Variants in NFRKB observed in about 807,000 individuals in gnomAD.
NFRKB encodes the protein nuclear factor related to kappaB binding protein, also known as nuclear factor related to kappa-B-binding protein.
In NFRKB, 62 loss-of-function variants were observed where a neutral mutation model predicts 135.7. The observed-to-expected ratio is 0.46, with a 90% CI of 0.37 to 0.56. NFRKB has a LOEUF of 0.56. NFRKB is among the 20% of genes least tolerant of loss of function. NFRKB has a pLI of 0.00. For synonymous variants in NFRKB, 678 were observed against 635.6 expected (o/e 1.07, Z -1.00); for missense variants, 1,545 against 1,662.0 (o/e 0.93, Z 1.22).
chr11:129,880,351 C>CAGCCAAGCCAT (rs1948970998), intron 13 of NFRKB, among the ~76,000 whole-genome samples: 1 of 152,212 alleles, frequency 6.6e-6, no homozygotes, highest in South Asian at 2.1e-4. Context: ...TCATTCCCCA[C>CAGCCAAGCCAT]AGCCAAGCCA....
At position 129,892,808 on chromosome 11, in the gene NFRKB, A is replaced by G; in HGVS notation, c.42T>C (p.Leu14=). Residue 14 remains leucine (L), a synonymous_variant, in exon 3 of 27, where the codon CTT becomes CTC. Coordinates refer to ENST00000682444, the MANE Select transcript of NFRKB (RefSeq NM_001143835.2). The stretch of plus-strand genomic sequence containing the variant: ...TGCCATGGCCATCTCCACACGGACC[A>G]AGTTCCAGAGGATCTGTCAGCATAT... ...LDHMLTDPLE[L]GPCGDGHGTR... The G allele has an allele frequency of 6.2e-7, 1 of 1,614,186 alleles. No homozygotes were observed. The highest frequency in any genetic ancestry group is 8.5e-7 in the Non-Finnish European group (1 of 1,180,024).
Position 129,885,022 on chromosome 11 carries a change from G to C in NFRKB, c.641-176C>G, listed in dbSNP as rs530535164. 16 of 866,616 alleles carry C rather than the reference G, an allele frequency of 1.8e-5. No homozygotes were observed. In the South Asian group the frequency reaches 2.2e-4, roughly 12 times the overall value. 53.7% of individuals were successfully genotyped at this position (866,616 alleles called of 1,614,324 possible). A position where few individuals can be genotyped will look rare whatever the true frequency, so the allele number is the denominator to read the frequency against. On this transcript the variant is annotated intron_variant, in intron 6 of 26. Coordinates refer to ENST00000682444, the MANE Select transcript of NFRKB (RefSeq NM_001143835.2). ...TGGAGCACACTTAGGTCATCTAACGGCTCTTCCAGGAAGAGAGACTTCAAC... is the reference window on the plus strand; with the variant it reads ...TGGAGCACACTTAGGTCATCTAACGCCTCTTCCAGGAAGAGAGACTTCAAC...
At chr11:129,879,575 T>C (rs1396477921) in intron 13 of NFRKB, among the ~76,000 whole-genome samples, 1 of 152,194 alleles carries the variant, frequency 6.6e-6, no homozygotes, top group Non-Finnish European at 1.5e-5. Context: ...TGGAGGCAAA[T>C]GACCACTCCC....
At chr11:129,888,845 T>C in intron 3 of NFRKB, 50 bp from the exon 4 acceptor site, 1 of 1,397,812 alleles carries the variant, frequency 7.2e-7, no homozygotes, top group Non-Finnish European at 1.0e-6. Flanking sequence ...TTTTGAGTTT[T>C]TTGTATGTAT....
chr11:129,882,670 T>G, intron 9 of NFRKB, 39 bp from the exon 10 acceptor site: 1 of 1,590,754 alleles, frequency 6.3e-7, no homozygotes, highest in Non-Finnish European at 8.6e-7. Context: ...GAAATGTATC[T>G]CCTACACAGG....
chr11:129,869,317 CAA>C (rs150117385), intron 24 of NFRKB, among the ~76,000 whole-genome samples, 175 bp downstream of exon 24: 3,206 of 152,256 alleles, frequency 0.021, 109 homozygotes, highest in African/African-American at 0.074. Context: ...GAAACACAGA[CAA>C]AAGCCTATCA....
intron 5 of NFRKB, among the ~76,000 whole-genome samples, chr11:129,886,033 T>C (rs1333640109): frequency 6.6e-6 from 1 of 152,172 alleles, no homozygotes; most frequent in Non-Finnish European, 1.5e-5. Flanking sequence ...TTTCCCTTAA[T>C]AACCCATGAT....
chr11:129,865,071 G>A lies in NFRKB; in HGVS notation c.3669C>T (p.Leu1223=), dbSNP rs755777862. Residue 1223 remains leucine (L), a synonymous_variant, in exon 26 of 27, where the codon CTC becomes CTT. Transcript: ENST00000682444. The part of the protein sequence containing the change: ...NLSGLGRNII[L]TTMPAGTKLI... ...GCTTAGTGCCTGCTGGCATAGTTGT[G>A]AGGATGATGTTGCGGCCCAACCCAC... is the stretch of plus-strand genomic sequence containing the variant. 6.2e-7 allele frequency: 1 copy of A among 1,611,718 alleles called. No homozygotes were observed. The highest frequency in any genetic ancestry group is 8.5e-7 in the Non-Finnish European group (1 of 1,179,264).
chr11:129,893,433 G>A (rs1485568325), intron 2 of NFRKB: 35 of 326,890 alleles, frequency 1.1e-4, no homozygotes, highest in South Asian at 4.1e-4. Flanking sequence ...GGTGGCGCAC[G>A]CCTGTAGTCC....
intron 25 of NFRKB, 24 bp from the exon 26 acceptor site, chr11:129,865,125 G>T: frequency 6.3e-7 from 1 of 1,597,502 alleles, no homozygotes; most frequent in Non-Finnish European, 8.6e-7. Context: ...GCAGGGGTGA[G>T]ATATAATGAT....
Position 129,886,270 on chromosome 11 carries a change from T to C in NFRKB, c.465+47A>G, listed in dbSNP as rs377276201. 6.5e-5 allele frequency: 103 copies of C among 1,577,840 alleles called. No homozygotes were observed. The South Asian group carries it at 7.6e-4, about 12-fold the overall frequency. ...CCTGAATTGCTTCTTGAAGTCATGA[T>C]ACCTGTGACTGCCCACATTTTATAT... is the stretch of plus-strand genomic sequence containing the variant. On this transcript the variant is annotated intron_variant, in intron 5 of 26. Transcript: ENST00000682444.
intron 24 of NFRKB, among the ~76,000 whole-genome samples, chr11:129,868,489 G>A (rs892953987): frequency 2.0e-5 from 3 of 152,204 alleles, no homozygotes; most frequent in African/African-American, 7.2e-5. Context: ...GGGCACATGT[G>A]GATGTGGCCT....
chr11:129,881,773 A>G lies in NFRKB; in HGVS notation c.1272T>C (p.Ala424=). The G allele has an allele frequency of 3.7e-6, 6 of 1,614,036 alleles. No individual in the cohort carries two copies. The highest frequency in any genetic ancestry group is 1.1e-5 in the South Asian group (1 of 91,046). ...NSWFSAAPNW[A]ELVLPALQYL... ...ACTGCAGGGCTGGTAGTACCAACTC[A>G]GCCCAGTTGGGGGCCGCAGAGAACC... The change falls in exon 12 of 27, where the codon GCT becomes GCC. Residue 424 remains alanine (A), a synonymous_variant. Transcript: ENST00000682444.
intron 17 of NFRKB, 82 bp from the exon 18 acceptor site, chr11:129,875,545 G>A: frequency 9.4e-7 from 1 of 1,068,270 alleles, no homozygotes; most frequent in Non-Finnish European, 1.4e-6. Context: ...GCAGTGATGG[G>A]CAAAGCTGCC....
chr11:129,867,491 A>G (rs1679991393), intron 24 of NFRKB, among the ~76,000 whole-genome samples: 1 of 151,484 alleles, frequency 6.6e-6, no homozygotes, highest in South Asian at 2.1e-4. Context: ...TAATTTTTCT[A>G]TTTCTGGTAG....
chr11:129,892,187 T>G (rs1949589786), intron 3 of NFRKB, among the ~76,000 whole-genome samples: 2 of 152,228 alleles, frequency 1.3e-5, no homozygotes, highest in South Asian at 4.1e-4. Context: ...CCAATGTGTA[T>G]TCTTTTACCC....
At chr11:129,894,748 C>T (rs1949699805) in intron 1 of NFRKB, among the ~76,000 whole-genome samples, 1 of 152,176 alleles carries the variant, frequency 6.6e-6, no homozygotes, top group Admixed American at 6.5e-5. Flanking sequence ...GCGGGTGAGA[C>T]AGCACATAGC....
In NFRKB at chr11:129,886,360, T is replaced by C; in HGVS notation, c.422A>G (p.Gln141Arg). 6.2e-7 allele frequency: 1 copy of C among 1,614,146 alleles called. No homozygotes were observed. The highest frequency in any genetic ancestry group is 8.5e-7 in the Non-Finnish European group (1 of 1,180,008). Reference sequence around the variant, plus strand: ...TTGCTTCAGCAGCCGATGGAAATACTGCTGCTGGGAGTTGAGGTAGCGCTT... The same window carrying C: ...TTGCTTCAGCAGCCGATGGAAATACCGCTGCTGGGAGTTGAGGTAGCGCTT... ...QYKRYLNSQQ[Q>R]YFHRLLKQIL... The change falls in exon 5 of 27, where the codon CAG becomes CGG. Residue 141 changes from glutamine (Q) to arginine (R), a missense_variant. By Grantham distance (43) the Gln-to-Arg change is conservative. Coordinates refer to ENST00000682444, the MANE Select transcript of NFRKB (RefSeq NM_001143835.2).
At chr11:129,872,345 G>A (rs1291471392) in intron 23 of NFRKB, among the ~76,000 whole-genome samples, 1 of 152,070 alleles carries the variant, frequency 6.6e-6, no homozygotes, top group African/African-American at 2.4e-5. Flanking sequence ...TTATCGTTAT[G>A]TGGTTCCATT....
Sources: allele counts gnomAD v4.1 joint callset (sites outside exome capture counted in the v4.1 genomes callset), GRCh38; gene constraint gnomAD v4.1.1; transcripts MANE v1.5; gene names NCBI Gene and HGNC (gene_info 2026-07-23, HGNC 2026-07-21).